SMYD3: variants seen among roughly 807,000 people sequenced by gnomAD.
SMYD3 encodes the protein SET and MYND domain containing 3.
SMYD3 carries 36 observed loss-of-function variants against 57.7 expected under a neutral mutation model. The observed-to-expected ratio is 0.62, with a 90% CI of 0.48 to 0.82. SMYD3 has a LOEUF of 0.82. Among genes scored for constraint, SMYD3 ranks in the 40% least tolerant of loss-of-function variants. The pLI, the probability that SMYD3 is intolerant of heterozygous loss-of-function variation, is 0.00. For missense variants in SMYD3, 515 were observed against 538.8 expected (o/e 0.96, Z 0.44); for synonymous variants, 211 against 195.0 (o/e 1.08, Z -0.68).
chr1:246,111,765 C>T (rs1000111641), intron 5 of SMYD3, among the ~76,000 whole-genome samples: 11 of 152,180 alleles, frequency 7.2e-5, no homozygotes, highest in African/African-American at 2.7e-4. Context: ...GGAACAGTGA[C>T]ACTGCTTTTT....
intron 5 of SMYD3, among the ~76,000 whole-genome samples, chr1:246,285,154 T>C (rs2334003): frequency 0.36 from 54,755 of 151,954 alleles, 10,544 homozygotes; most frequent in East Asian, 0.73. Flanking sequence ...TCCATTGTAT[T>C]ATTCTTATGC....
chr1:246,330,547 A>G lies in SMYD3; in HGVS notation c.337-10T>C. 1 of 1,586,700 alleles carries G rather than the reference A, an allele frequency of 6.3e-7. No homozygotes were observed. Among genetic ancestry groups the G allele is most frequent in the Non-Finnish European group, 8.5e-7 (1 of 1,169,608 alleles). On this transcript the variant is annotated splice_polypyrimidine_tract_variant and intron_variant, in intron 3 of 11. Coordinates refer to ENST00000490107, the MANE Select transcript of SMYD3 (RefSeq NM_001167740.2). The stretch of plus-strand genomic sequence containing the variant: ...AAGGTGCTCCATCCATCTGTGAAGG[A>G]AAAGGGGAAAACGCCAATAACAATT...
chr1:246,397,634 G>A (rs955848157), intron 1 of SMYD3, among the ~76,000 whole-genome samples: 1 of 152,172 alleles, frequency 6.6e-6, no homozygotes, highest in African/African-American at 2.4e-5. Context: ...CTTGCCTGCT[G>A]CACAGATAGA....
At chr1:245,751,586 G>C (rs80237017) in intron 11 of SMYD3, among the ~76,000 whole-genome samples, 32 of 53,920 alleles carry the variant, frequency 5.9e-4, no homozygotes, top group Admixed American at 1.4e-3. Flanking sequence ...GAAAGAGAGA[G>C]AGAGAGAAAG....
At chr1:245,933,118 T>C (rs113297957) in intron 5 of SMYD3, among the ~76,000 whole-genome samples, 2,477 of 152,258 alleles carry the variant, frequency 0.016, 55 homozygotes, top group African/African-American at 0.047. Flanking sequence ...TGAAAGGAAT[T>C]GCTCTTTATA....
chr1:246,120,582 T>C (rs930774680), intron 5 of SMYD3, among the ~76,000 whole-genome samples: 2 of 152,156 alleles, frequency 1.3e-5, no homozygotes, highest in African/African-American at 4.8e-5. Context: ...TACAAATCAA[T>C]GGGCTCTTGA....
chr1:245,774,912 G>A lies in SMYD3; in HGVS notation c.1077-10763C>T, dbSNP rs565206113. Among the ~76,000 whole-genome samples, 8 of 152,272 alleles carry A rather than the reference G, an allele frequency of 5.3e-5. No homozygotes were observed. The South Asian group carries it at 8.3e-4, about 16-fold the overall frequency. On this transcript the variant is annotated intron_variant, in intron 10 of 11. Transcript: ENST00000490107. ...GAGACGGGGTTTCACTGTGTTGGCC[G>A]GGCTGGTCTCCAGCTCCTAACCGCG...
At chr1:246,148,309 C>G (rs756885142) in intron 5 of SMYD3, among the ~76,000 whole-genome samples, 1 of 152,100 alleles carries the variant, frequency 6.6e-6, no homozygotes. Context: ...CTTCAGAGAC[C>G]TGCAGAGATG....
intron 5 of SMYD3, among the ~76,000 whole-genome samples, chr1:245,970,694 GA>G (rs2058277399): frequency 6.6e-6 from 1 of 152,036 alleles, no homozygotes; most frequent in Non-Finnish European, 1.5e-5. Context: ...CAAAAATTAT[GA>G]AAAAAGCTCA....
intron 2 of SMYD3, among the ~76,000 whole-genome samples, chr1:246,341,774 C>T (rs1484666064): frequency 1.3e-5 from 2 of 152,204 alleles, no homozygotes; most frequent in African/African-American, 4.8e-5. Flanking sequence ...GTCCCTATTG[C>T]TCACTCAAGA....
rs2059095041 is a variant in SMYD3, at chr1:246,002,619, A to AT, written c.532-72683dup. On this transcript the variant is annotated intron_variant, in intron 5 of 11. Transcript: ENST00000490107. The stretch of plus-strand genomic sequence containing the variant: ...AGGCGCCCGCCACCACGCCCGGCTA[A>AT]TTTTTTGTATTTTTAGTAGAGACGG... 1.6e-5 allele frequency among the ~76,000 whole-genome samples: 2 copies of AT among 121,702 alleles called. 1 individual carries two copies. Among genetic ancestry groups the AT allele is most frequent in the Non-Finnish European group, 3.5e-5 (2 of 56,978 alleles). 79.8% of individuals were successfully genotyped at this position (121,702 alleles called of 152,430 possible). A position where few individuals can be genotyped will look rare whatever the true frequency, so the allele number is the denominator to read the frequency against.
At chr1:246,470,418 C>T (rs114603471) in intron 1 of SMYD3, among the ~76,000 whole-genome samples, 2,466 of 151,410 alleles carry the variant, frequency 0.016, 33 homozygotes, top group Non-Finnish European at 0.024. Flanking sequence ...ATCGCTTGAA[C>T]GTGGAAGGCG....
intron 5 of SMYD3, among the ~76,000 whole-genome samples, chr1:246,120,067 C>A (rs922249875): frequency 6.6e-6 from 1 of 152,128 alleles, no homozygotes; most frequent in Non-Finnish European, 1.5e-5. Flanking sequence ...TGTGATTGGA[C>A]AATGGGAATA....
intron 1 of SMYD3, among the ~76,000 whole-genome samples, chr1:246,393,901 C>T (rs1295228567): frequency 1.3e-5 from 2 of 152,044 alleles, no homozygotes; most frequent in African/African-American, 4.8e-5. Context: ...CTCTGAACTA[C>T]TTTCTATGCT....
chr1:246,021,474 G>A (rs911392971), intron 5 of SMYD3, among the ~76,000 whole-genome samples: 2 of 152,154 alleles, frequency 1.3e-5, no homozygotes, highest in Non-Finnish European at 2.9e-5. Context: ...TGGCCTCAGA[G>A]AAGGACTAAC....
intron 5 of SMYD3, among the ~76,000 whole-genome samples, chr1:246,115,180 C>T (rs531998564): frequency 5.3e-5 from 8 of 152,330 alleles, no homozygotes; most frequent in South Asian, 2.1e-4. Flanking sequence ...AAATATTCCA[C>T]GGAGTACTAA....
chr1:246,250,577 CA>C (rs2063782907), intron 5 of SMYD3, among the ~76,000 whole-genome samples: 1 of 152,082 alleles, frequency 6.6e-6, no homozygotes, highest in Non-Finnish European at 1.5e-5. Context: ...ATAACACTGC[CA>C]AAATGGTAGC....
chr1:246,362,169 T>C (rs981338900), intron 1 of SMYD3, among the ~76,000 whole-genome samples: 1 of 152,210 alleles, frequency 6.6e-6, no homozygotes. Flanking sequence ...TCTCTCCATA[T>C]CAAATTCAAA....
Position 245,774,442 on chromosome 1 carries a change from A to C in SMYD3, c.1077-10293T>G, listed in dbSNP as rs531687048. 2.2e-4 allele frequency among the ~76,000 whole-genome samples: 34 copies of C among 152,328 alleles called. 1 individual carries two copies. In the South Asian group the frequency reaches 5.6e-3, roughly 25 times the overall value. On this transcript the variant is annotated intron_variant, in intron 10 of 11. Coordinates refer to ENST00000490107, the MANE Select transcript of SMYD3 (RefSeq NM_001167740.2). ...ACATCTTCCATGTTCTGAGGAAAAC[A>C]AACTCCTCCTCTAGAATTCTACATC...
Sources: gnomAD v4.1 joint callset for allele counts (sites outside exome capture counted in the v4.1 genomes callset) on GRCh38, gnomAD v4.1.1 for gene constraint, MANE v1.5 for transcripts, NCBI Gene and HGNC (gene_info 2026-07-23, HGNC 2026-07-21) for gene names.